The following BLK variants were observed in gnomAD, a reference collection of about 807,000 sequenced individuals.
BLK encodes the protein tyrosine-protein kinase Blk.
Under a neutral mutation model 61.8 loss-of-function variants are expected in BLK, and 64 were observed. That is an observed-to-expected ratio of 1.03 (90% CI 0.85 to 1.27). BLK has a LOEUF of 1.27. Ranked by LOEUF, BLK falls within the 50% of genes most tolerant of loss-of-function variation. BLK has a pLI of 0.00. For synonymous variants in BLK, 351 were observed against 272.0 expected (o/e 1.29, Z -2.86); for missense variants, 853 against 660.5 (o/e 1.29, Z -3.19).
intron 6 of BLK, among the ~76,000 whole-genome samples, chr8:11,553,942 G>A (rs930666889): frequency 6.6e-6 from 1 of 152,102 alleles, no homozygotes; most frequent in Non-Finnish European, 1.5e-5. Flanking sequence ...GCGGGGAGGC[G>A]TGGTACTGCT....
Position 11,506,278 on chromosome 8 carries a change from G to C in BLK, c.-2+11687G>C, listed in dbSNP as rs992791742. ...AGACCTAGGGGAGGACAATGCCAGGGCTTTTTGCCTTCCCAAGGTCACAGC... is the reference window on the plus strand; with the variant it reads ...AGACCTAGGGGAGGACAATGCCAGGCCTTTTTGCCTTCCCAAGGTCACAGC... On this transcript the variant is annotated intron_variant, in intron 1 of 12. Coordinates refer to ENST00000259089, the MANE Select transcript of BLK (RefSeq NM_001715.3). 2.0e-5 allele frequency among the ~76,000 whole-genome samples: 3 copies of C among 152,214 alleles called. No individual in the cohort carries two copies. In the South Asian group the frequency reaches 6.2e-4, roughly 32 times the overall value.
intron 1 of BLK, among the ~76,000 whole-genome samples, chr8:11,539,075 G>GA (rs757129128): frequency 6.7e-6 from 1 of 148,224 alleles, no homozygotes; most frequent in African/African-American, 2.5e-5. Flanking sequence ...AAGTCCGCTG[G>GA]TTTTTTTTTT....
At chr8:11,496,523 A>G (rs1400694871) in intron 1 of BLK, among the ~76,000 whole-genome samples, 2 of 152,234 alleles carry the variant, frequency 1.3e-5, no homozygotes, top group Non-Finnish European at 2.9e-5. Context: ...GATTGCAGGC[A>G]TGAGTCACTG....
chr8:11,519,317 T>A (rs958702958), intron 1 of BLK, among the ~76,000 whole-genome samples: 1 of 152,196 alleles, frequency 6.6e-6, no homozygotes, highest in Admixed American at 6.5e-5. Flanking sequence ...TGGACAGCAA[T>A]TTGGCTGTCT....
chr8:11,551,965 G>A (rs966481590), intron 6 of BLK, among the ~76,000 whole-genome samples: 5 of 152,186 alleles, frequency 3.3e-5, no homozygotes, highest in African/African-American at 1.2e-4. Flanking sequence ...TATGAAGAAT[G>A]CTTTGCTCAT....
At chr8:11,544,573 G>C (rs556414756) in intron 2 of BLK, among the ~76,000 whole-genome samples, 1 of 152,280 alleles carries the variant, frequency 6.6e-6, no homozygotes, top group African/African-American at 2.4e-5. Flanking sequence ...TAGACTGATT[G>C]AGTAATTTCC....
chr8:11,542,403 C>T (rs1800422385), intron 1 of BLK, among the ~76,000 whole-genome samples: 1 of 152,194 alleles, frequency 6.6e-6, no homozygotes, highest in Admixed American at 6.5e-5. Context: ...ATGTCTGCAT[C>T]TCAAGGAAGA....
At chr8:11,562,161 T>C (rs754579493) in intron 11 of BLK, among the ~76,000 whole-genome samples, 21 of 152,210 alleles carry the variant, frequency 1.4e-4, no homozygotes, top group Non-Finnish European at 1.5e-4. Flanking sequence ...AATTAGGCTT[T>C]CACAGAGCAC....
chr8:11,543,305 G>A lies in BLK; in HGVS notation c.81G>A (p.Lys27=), dbSNP rs149279535. The A allele has an allele frequency of 3.8e-4, 619 of 1,613,680 alleles. 2 individuals are homozygous for A. The African/African-American group carries it at 7.5e-3, about 19-fold the overall frequency. Residue 27 remains lysine, a synonymous_variant, in exon 2 of 13, where the codon AAG becomes AAA. Coordinates refer to ENST00000259089, the MANE Select transcript of BLK (RefSeq NM_001715.3). Reference sequence around the variant, plus strand: ...ACAAGGGCCAATGGAGCCCCCTGAAGGTCAGCGCCCAAGACAAGGACGCCC... The same window carrying A: ...ACAAGGGCCAATGGAGCCCCCTGAAAGTCAGCGCCCAAGACAAGGACGCCC... ...EKDKGQWSPL[K]VSAQDKDAPP...
intron 1 of BLK, among the ~76,000 whole-genome samples, chr8:11,531,087 A>G (rs1799868234): frequency 6.6e-6 from 1 of 152,052 alleles, no homozygotes; most frequent in Non-Finnish European, 1.5e-5. Context: ...CATTCCCCTA[A>G]TGACTGACGA....
At chr8:11,535,737 C>A (rs1230865463) in intron 1 of BLK, among the ~76,000 whole-genome samples, 5 of 152,202 alleles carry the variant, frequency 3.3e-5, no homozygotes, top group Non-Finnish European at 5.9e-5. Context: ...ACACTGTGAG[C>A]CTCCTGGTAG....
At chr8:11,559,707 G>A in intron 10 of BLK, 2 of 455,248 alleles carry the variant, frequency 4.4e-6, no homozygotes, top group South Asian at 3.1e-5. Context: ...TTTGCAGCCA[G>A]ATGCCACCGG....
intron 1 of BLK, among the ~76,000 whole-genome samples, chr8:11,514,883 C>T (rs1197581031): frequency 1.3e-5 from 2 of 152,136 alleles, no homozygotes; most frequent in Non-Finnish European, 2.9e-5. Flanking sequence ...ATTTCTGATC[C>T]AACCCACCAG....
At chr8:11,548,456 A>G (rs1800746571) in intron 4 of BLK, among the ~76,000 whole-genome samples, 1 of 152,052 alleles carries the variant, frequency 6.6e-6, no homozygotes. Context: ...AAAGCCTTGC[A>G]TTTAAGCCAG....
chr8:11,548,937 G>A (rs1800774302), intron 4 of BLK, 87 bp from the exon 5 acceptor site: 1 of 1,196,284 alleles, frequency 8.4e-7, no homozygotes, highest in East Asian at 2.5e-5. Flanking sequence ...CCTCCAGGGA[G>A]AGATGACTTT....
At chr8:11,511,465 A>G (rs927816328) in intron 1 of BLK, among the ~76,000 whole-genome samples, 2 of 152,234 alleles carry the variant, frequency 1.3e-5, no homozygotes, top group African/African-American at 4.8e-5. Context: ...GTTTCTGTTA[A>G]CAACAAACTC....
intron 9 of BLK, 78 bp from the exon 10 acceptor site, chr8:11,557,884 A>G (rs1222350917): frequency 7.5e-7 from 1 of 1,325,956 alleles, no homozygotes. Flanking sequence ...ATGGGGAGCC[A>G]CTCACACCAG....
chr8:11,529,481 T>C (rs544393250), intron 1 of BLK, among the ~76,000 whole-genome samples: 23 of 152,214 alleles, frequency 1.5e-4, no homozygotes, highest in African/African-American at 4.8e-4. Flanking sequence ...ATCTGGGTGG[T>C]GCCAGCTGAT....
intron 5 of BLK, 128 bp downstream of exon 5, chr8:11,549,250 A>G: frequency 1.2e-6 from 1 of 831,824 alleles, no homozygotes; most frequent in Admixed American, 2.0e-5. Context: ...AAGAGGGGAC[A>G]GGAAATGAGC....
Sources: gnomAD v4.1 joint callset for allele counts (sites outside exome capture counted in the v4.1 genomes callset) on GRCh38, gnomAD v4.1.1 for gene constraint, MANE v1.5 for transcripts, NCBI Gene and HGNC (gene_info 2026-07-23, HGNC 2026-07-21) for gene names.